TMEM178B: variants seen among roughly 807,000 people sequenced by gnomAD.
TMEM178B encodes the protein transmembrane protein 178B.
In TMEM178B, 5 loss-of-function variants were observed where a neutral mutation model predicts 31.0. That is an observed-to-expected ratio of 0.16 (90% CI 0.08 to 0.34). The LOEUF (loss-of-function observed/expected upper bound fraction) is 0.34, where lower values mean the gene tolerates loss of function less well. TMEM178B is among the 10% of genes least tolerant of loss of function. The pLI is 1.00. For missense variants in TMEM178B, 275 were observed against 400.3 expected, an observed-to-expected ratio of 0.69 and a Z score of 2.67; for synonymous variants, 164 against 164.0, an observed-to-expected ratio of 1.00 and a Z score of 0.00.
At chr7:141,248,189 T>C (rs1218740987) in intron 2 of TMEM178B, among the ~76,000 whole-genome samples, 1 of 152,112 alleles carries the variant, frequency 6.6e-6, no homozygotes, top group Non-Finnish European at 1.5e-5. Flanking sequence ...GGTGGGCAGA[T>C]AATTTGAGGT....
At position 141,477,988 on chromosome 7, in the gene TMEM178B, T is replaced by G. The variant is rs1223420906; in HGVS notation, c.*7202T>G. The G allele has an allele frequency of 1.3e-5, 2 of 152,262 alleles. No homozygotes were observed. Among genetic ancestry groups the G allele is most frequent in the African/African-American group, 4.8e-5 (2 of 41,400 alleles). 9.4% of individuals were successfully genotyped at this position (152,262 alleles called of 1,614,324 possible). A position where few individuals can be genotyped will look rare whatever the true frequency, so the allele number is the denominator to read the frequency against. ...TGAGCTTTGCTGCACTGGGCTGGGG[T>G]AGGAGAAAGAGCATCCAAGGAGATG... On this transcript the variant is annotated 3_prime_UTR_variant, in exon 4 of 4. Coordinates refer to ENST00000565468, the MANE Select transcript of TMEM178B (RefSeq NM_001195278.2).
chr7:141,242,757 G>A (rs1244831260), intron 2 of TMEM178B, among the ~76,000 whole-genome samples: 30 of 152,040 alleles, frequency 2.0e-4, no homozygotes, highest in Non-Finnish European at 1.3e-4. Context: ...TGGCCAGGCT[G>A]GTCTCAAACT....
At chr7:141,383,472 G>C (rs1419544354) in intron 2 of TMEM178B, among the ~76,000 whole-genome samples, 1 of 150,972 alleles carries the variant, frequency 6.6e-6, no homozygotes, top group Non-Finnish European at 1.5e-5. Flanking sequence ...TGCAATGTTC[G>C]GTTTTTTGTC....
intron 2 of TMEM178B, among the ~76,000 whole-genome samples, chr7:141,294,350 G>A (rs1161582793): frequency 6.6e-6 from 1 of 151,878 alleles, no homozygotes; most frequent in Non-Finnish European, 1.5e-5. Flanking sequence ...GAGACAGCCA[G>A]GCCTTTTATT....
intron 1 of TMEM178B, among the ~76,000 whole-genome samples, chr7:141,158,033 A>T (rs991001583): frequency 6.6e-6 from 1 of 152,142 alleles, no homozygotes; most frequent in Non-Finnish European, 1.5e-5. Flanking sequence ...GCTAACAGAC[A>T]TCAGTCTGCA....
At chr7:141,161,374 C>G (rs553615257) in intron 1 of TMEM178B, among the ~76,000 whole-genome samples, 1 of 152,230 alleles carries the variant, frequency 6.6e-6, no homozygotes, top group South Asian at 2.1e-4. Context: ...CGGGAAGGCT[C>G]TGCTGGAGGT....
intron 3 of TMEM178B, among the ~76,000 whole-genome samples, chr7:141,454,690 C>T (rs913604479): frequency 6.6e-6 from 1 of 151,718 alleles, no homozygotes; most frequent in Non-Finnish European, 1.5e-5. Context: ...CAGATTCAAA[C>T]GTTCCCTCCT....
intron 2 of TMEM178B, among the ~76,000 whole-genome samples, chr7:141,365,844 C>T (rs986386941): frequency 4.6e-5 from 7 of 152,188 alleles, no homozygotes; most frequent in African/African-American, 9.6e-5. Flanking sequence ...ACCTGACATC[C>T]TAATTACCTC....
chr7:141,280,396 G>T (rs1798336626), intron 2 of TMEM178B, among the ~76,000 whole-genome samples: 1 of 152,082 alleles, frequency 6.6e-6, no homozygotes, highest in Admixed American at 6.5e-5. Flanking sequence ...CAGAATCATG[G>T]GGGTGGTTTC....
chr7:141,098,404 A>AT (rs1035455927), intron 1 of TMEM178B, among the ~76,000 whole-genome samples: 3 of 152,320 alleles, frequency 2.0e-5, no homozygotes, highest in Non-Finnish European at 4.4e-5. Flanking sequence ...AATTACAAAT[A>AT]TTTTTTGTCT....
At chr7:141,242,740 A>G (rs985821731) in intron 2 of TMEM178B, among the ~76,000 whole-genome samples, 3 of 151,792 alleles carry the variant, frequency 2.0e-5, no homozygotes, top group Non-Finnish European at 4.4e-5. Context: ...ACAGAGTTTC[A>G]CCACATTGGC....
At chr7:141,109,050 T>C (rs989595451) in intron 1 of TMEM178B, among the ~76,000 whole-genome samples, 2 of 152,098 alleles carry the variant, frequency 1.3e-5, no homozygotes, top group African/African-American at 4.8e-5. Context: ...TTCACTACCA[T>C]GAGAACAGTA....
intron 1 of TMEM178B, among the ~76,000 whole-genome samples, chr7:141,191,129 A>T (rs1241224803): frequency 6.6e-6 from 1 of 152,218 alleles, no homozygotes; most frequent in East Asian, 1.9e-4. Flanking sequence ...AACTTATCGT[A>T]TATATTACAC....
chr7:141,483,301 GT>G (rs2116749415), downstream of TMEM178B, among the ~76,000 whole-genome samples: 2 of 152,262 alleles, frequency 1.3e-5, no homozygotes, highest in South Asian at 4.2e-4. Context: ...CCACATGAGA[GT>G]TCCTTTCATG....
At chr7:141,417,555 A>G (rs2116646228) in intron 2 of TMEM178B, among the ~76,000 whole-genome samples, 1 of 152,304 alleles carries the variant, frequency 6.6e-6, no homozygotes, top group South Asian at 2.1e-4. Flanking sequence ...ATGCTACATG[A>G]TTGGCACTTC....
At chr7:141,135,865 T>C (rs1403074748) in intron 1 of TMEM178B, among the ~76,000 whole-genome samples, 2 of 151,518 alleles carry the variant, frequency 1.3e-5, no homozygotes, top group Non-Finnish European at 2.9e-5. Flanking sequence ...TAAAAGGAAA[T>C]AAATACCTAA....
chr7:141,424,084 C>T (rs1389773893), intron 2 of TMEM178B, among the ~76,000 whole-genome samples: 2 of 151,982 alleles, frequency 1.3e-5, no homozygotes, highest in Non-Finnish European at 2.9e-5. Context: ...TCCCAAAATG[C>T]TGGGATTACA....
chr7:141,196,116 T>G (rs762619818), intron 1 of TMEM178B, among the ~76,000 whole-genome samples: 78 of 152,070 alleles, frequency 5.1e-4, no homozygotes, highest in Non-Finnish European at 1.0e-3. Context: ...TAATATTATA[T>G]TTTGAGATCT....
At chr7:141,246,424 A>T (rs561912151) in intron 2 of TMEM178B, among the ~76,000 whole-genome samples, 11 of 152,230 alleles carry the variant, frequency 7.2e-5, no homozygotes, top group Admixed American at 1.3e-4. Flanking sequence ...GGGTATTTGG[A>T]GTAACGTCCA....
Sources: gnomAD v4.1 joint callset for allele counts (sites outside exome capture counted in the v4.1 genomes callset) on GRCh38, gnomAD v4.1.1 for gene constraint, MANE v1.5 for transcripts, NCBI Gene and HGNC (gene_info 2026-07-23, HGNC 2026-07-21) for gene names.